Variants in KIAA1217 observed in about 807,000 individuals in gnomAD.
KIAA1217 encodes sickle tail protein homolog.
In KIAA1217, 88 loss-of-function variants were observed where a neutral mutation model predicts 163.9. The observed-to-expected ratio is 0.54, with a 90% CI of 0.45 to 0.64. KIAA1217 has a LOEUF of 0.64. Ranked by LOEUF, KIAA1217 falls within the 30% of genes least tolerant of loss-of-function variation. KIAA1217 has a pLI of 0.00. For synonymous variants in KIAA1217, 903 were observed against 923.1 expected, an observed-to-expected ratio of 0.98 and a Z score of 0.39; for missense variants, 2,372 against 2,475.0, an observed-to-expected ratio of 0.96 and a Z score of 0.88.
Position 24,473,620 on chromosome 10 carries a change from C to A in KIAA1217, c.1239C>A (p.His413Gln). Residue 413 changes from histidine (H) to glutamine (Q), a missense_variant, in exon 6 of 21, where the codon CAC (histidine) becomes CAA (glutamine). His to Gln is a conservative substitution (Grantham distance 24). Coordinates refer to ENST00000376454, the MANE Select transcript of KIAA1217 (RefSeq NM_019590.5). The stretch of plus-strand genomic sequence containing the variant: ...GCATAGCCTCATCCCATGGTGGACA[C>A]CCACTGGATGTCCCCGACCACATCA... ...RMSIASSHGG[H>Q]PLDVPDHIIA... 1 of 1,614,084 alleles carries A rather than the reference C, an allele frequency of 6.2e-7. No individual in the cohort carries two copies. The highest frequency in any genetic ancestry group is 1.1e-5 in the South Asian group (1 of 91,082).
At chr10:24,307,942 A>G (rs949670894) in intron 2 of KIAA1217, among the ~76,000 whole-genome samples, 3 of 152,246 alleles carry the variant, frequency 2.0e-5, no homozygotes, top group Non-Finnish European at 4.4e-5. Flanking sequence ...ATGTTGGGTC[A>G]CTGCCCGAGT....
At chr10:23,727,013 A>C in intron 1 of KIAA1217, among the ~76,000 whole-genome samples, 1 of 92,212 alleles carries the variant, frequency 1.1e-5, no homozygotes. Context: ...TTTGAGACAG[A>C]GTCTTGCTCT....
At chr10:24,513,236 G>A in intron 9 of KIAA1217, 23 bp from the exon 10 acceptor site, 1 of 1,611,452 alleles carries the variant, frequency 6.2e-7, no homozygotes, top group Non-Finnish European at 8.5e-7. Context: ...AGCCCACTGA[G>A]GTTGATTTTT....
chr10:23,940,124 C>G (rs1386848674), intron 1 of KIAA1217, among the ~76,000 whole-genome samples: 1 of 151,844 alleles, frequency 6.6e-6, no homozygotes, highest in Non-Finnish European at 1.5e-5. Context: ...AATAACAGAG[C>G]TTCAAAATAC....
At chr10:23,931,004 A>G (rs1843232019) in intron 1 of KIAA1217, among the ~76,000 whole-genome samples, 1 of 152,170 alleles carries the variant, frequency 6.6e-6, no homozygotes, top group South Asian at 2.1e-4. Flanking sequence ...AGTCTGGTGG[A>G]ACTATCATCA....
chr10:24,114,105 G>C (rs918451108), intron 2 of KIAA1217, among the ~76,000 whole-genome samples: 1 of 152,106 alleles, frequency 6.6e-6, no homozygotes, highest in Non-Finnish European at 1.5e-5. Context: ...TTCCTCACTT[G>C]AGTCAGCAGA....
chr10:23,782,616 AGAGACGGGGTTTCAC>A (rs1249377675), intron 1 of KIAA1217, among the ~76,000 whole-genome samples: 1 of 152,108 alleles, frequency 6.6e-6, no homozygotes, highest in Non-Finnish European at 1.5e-5. Context: ...TATTTTTAGT[AGAGACGGGGTTTCAC>A]CATGTTGGCC....
At chr10:23,915,283 A>T (rs2131278053) in intron 1 of KIAA1217, among the ~76,000 whole-genome samples, 1 of 152,280 alleles carries the variant, frequency 6.6e-6, no homozygotes, top group South Asian at 2.1e-4. Flanking sequence ...AACCTTGGCA[A>T]AGGCAGTTGC....
chr10:23,818,349 A>ATATATATATATATAT, intron 1 of KIAA1217, among the ~76,000 whole-genome samples: 1 of 126,844 alleles, frequency 7.9e-6, no homozygotes, highest in African/African-American at 3.2e-5. Context: ...TATATATAAA[A>ATATATATATATATAT]AAATATATAT....
intron 1 of KIAA1217, among the ~76,000 whole-genome samples, chr10:23,950,627 A>C (rs1056263089): frequency 6.6e-6 from 1 of 152,108 alleles, no homozygotes; most frequent in Non-Finnish European, 1.5e-5. Flanking sequence ...ATGAATTTCA[A>C]GTTGGAGATG....
chr10:24,337,545 G>A (rs1417480197), intron 2 of KIAA1217, among the ~76,000 whole-genome samples: 1 of 151,948 alleles, frequency 6.6e-6, no homozygotes, highest in African/African-American at 2.4e-5. Context: ...TTAATCTGCA[G>A]ACTTAAATGT....
At chr10:24,346,974 A>T (rs2047870706) in intron 2 of KIAA1217, among the ~76,000 whole-genome samples, 1 of 152,188 alleles carries the variant, frequency 6.6e-6, no homozygotes, top group Non-Finnish European at 1.5e-5. Context: ...CTTCCTCATT[A>T]AATTGTTACT....
chr10:24,316,467 A>T (rs781729777), intron 2 of KIAA1217, among the ~76,000 whole-genome samples: 1 of 152,182 alleles, frequency 6.6e-6, no homozygotes, highest in Non-Finnish European at 1.5e-5. Context: ...CAAAGTATTA[A>T]GTTGTTGGCA....
rs1174770620 is a variant in KIAA1217 at position 24,532,003 on chromosome 10, G to A, written c.3246+10G>A. 3 of 1,497,466 alleles carry A rather than the reference G, an allele frequency of 2.0e-6. No individual in the cohort carries two copies. The highest frequency in any genetic ancestry group is 2.7e-5 in the South Asian group (2 of 73,038). 92.8% of individuals were successfully genotyped at this position (1,497,466 alleles called of 1,614,324 possible). ...GAACATCACCGCTAAGGTCTGATAG[G>A]CTAAGCCCTGGTAAACTGGCCTCTG... On this transcript the variant is annotated intron_variant, in intron 15 of 20. Transcript: ENST00000376454.
chr10:23,763,278 G>T (rs1834352484), intron 1 of KIAA1217, among the ~76,000 whole-genome samples: 1 of 152,110 alleles, frequency 6.6e-6, no homozygotes, highest in Admixed American at 6.5e-5. Context: ...ATTTCATATG[G>T]AATCAAAGAA....
chr10:24,015,356 T>A (rs1202794424), intron 2 of KIAA1217, among the ~76,000 whole-genome samples: 3 of 152,146 alleles, frequency 2.0e-5, no homozygotes, highest in Middle Eastern at 3.2e-3. Context: ...TAGCTCTTCT[T>A]GGGGTCCCTC....
At chr10:24,001,187 C>G (rs1385812307) in intron 1 of KIAA1217, among the ~76,000 whole-genome samples, 1 of 152,092 alleles carries the variant, frequency 6.6e-6, no homozygotes, top group Non-Finnish European at 1.5e-5. Context: ...ATAATATAAT[C>G]ACTGTCTTTA....
At chr10:24,472,326 C>T (rs1371592824) in intron 5 of KIAA1217, among the ~76,000 whole-genome samples, 2 of 152,166 alleles carry the variant, frequency 1.3e-5, no homozygotes, top group South Asian at 2.1e-4. Context: ...TTATTTCCTT[C>T]CAGCCTCTCC....
chr10:24,434,520 A>G lies in KIAA1217; in HGVS notation c.752+1327A>G, dbSNP rs190696905. Among the ~76,000 whole-genome samples the G allele has an allele frequency of 5.6e-4, 86 of 152,248 alleles. No homozygotes were observed. In the East Asian group the frequency reaches 0.015, roughly 27 times the overall value. ...ATCTGGCTAATTTTTAATCTTTTGT[A>G]GAGACAGAATCTCCCTATGTTACCC... On this transcript the variant is annotated intron_variant, in intron 4 of 20. Coordinates refer to ENST00000376454, the MANE Select transcript of KIAA1217 (RefSeq NM_019590.5).
Sources: allele counts gnomAD v4.1 joint callset (sites outside exome capture counted in the v4.1 genomes callset), GRCh38; gene constraint gnomAD v4.1.1; transcripts MANE v1.5; gene names NCBI Gene and HGNC (gene_info 2026-07-23, HGNC 2026-07-21).